KHDRBS1: variants seen among roughly 807,000 people sequenced by gnomAD.
KHDRBS1 encodes KH domain-containing, RNA-binding, signal transduction-associated protein 1.
KHDRBS1 carries 7 observed loss-of-function variants against 48.4 expected under a neutral mutation model. That is an observed-to-expected ratio of 0.14 (90% CI 0.08 to 0.27). KHDRBS1 has a LOEUF of 0.27. Ranked by LOEUF, KHDRBS1 falls within the 10% of genes least tolerant of loss-of-function variation. KHDRBS1 has a pLI of 1.00. For missense variants in KHDRBS1, 458 were observed against 601.2 expected, an observed-to-expected ratio of 0.76 and a Z score of 2.49; for synonymous variants, 241 against 235.8, an observed-to-expected ratio of 1.02 and a Z score of -0.20.
chr1:32,014,483 G>A, intron 1 of KHDRBS1, 106 bp downstream of exon 1: 1 of 1,150,710 alleles, frequency 8.7e-7, no homozygotes, highest in Admixed American at 4.0e-5. Context: ...GAGGCAGTCG[G>A]GAGTTCCGGT....
In KHDRBS1 at chr1:32,037,051, T is replaced by C; in HGVS notation, c.905+8T>C. The C allele has an allele frequency of 6.2e-7, 1 of 1,612,490 alleles. No homozygotes were observed. Among genetic ancestry groups the C allele is most frequent in the Non-Finnish European group, 8.5e-7 (1 of 1,179,338 alleles). On this transcript the variant is annotated splice_region_variant and intron_variant, in intron 5 of 8. Transcript: ENST00000327300. ...TCCACCACCTGTTCCCAGGTAAAAA[T>C]AATGGAGACACCCAGAAATAGGATG...
In KHDRBS1 at chr1:32,013,969, C is replaced by A. The variant is rs768370132; in HGVS notation, c.-27C>A. 3 of 1,449,868 alleles carry A rather than the reference C, an allele frequency of 2.1e-6. No individual in the cohort carries two copies. The highest frequency in any genetic ancestry group is 5.7e-5 in the East Asian group (2 of 34,912). The allele number at this position is 1,449,868 out of a possible 1,614,324, so 89.8% of individuals were successfully genotyped here. On this transcript the variant is annotated 5_prime_UTR_variant, in exon 1 of 9. Transcript: ENST00000327300. ...CTCCGTCGCTGCCGCGTCGCTTTCT[C>A]GCTCCTTGGATCGCACATCCTCCCA...
intron 4 of KHDRBS1, among the ~76,000 whole-genome samples, chr1:32,034,312 C>T (rs1259282471): frequency 6.6e-6 from 1 of 152,186 alleles, no homozygotes; most frequent in African/African-American, 2.4e-5. Context: ...CCTGTAATCC[C>T]AGCAATTTGG....
chr1:32,017,478 C>T (rs1279974895), intron 1 of KHDRBS1, among the ~76,000 whole-genome samples: 2 of 150,916 alleles, frequency 1.3e-5, no homozygotes, highest in African/African-American at 4.9e-5. Context: ...AATGTGTCTG[C>T]AGACATAAGG....
intron 4 of KHDRBS1, among the ~76,000 whole-genome samples, chr1:32,035,620 G>A (rs192474120): frequency 3.3e-5 from 5 of 152,154 alleles, no homozygotes; most frequent in African/African-American, 4.8e-5. Context: ...TCACAGTGCC[G>A]TAGGAAGAGC....
intron 3 of KHDRBS1, 21 bp downstream of exon 3, chr1:32,031,661 C>G (rs1639082073): frequency 6.7e-7 from 1 of 1,481,730 alleles, no homozygotes; most frequent in Non-Finnish European, 9.3e-7. Context: ...ATTAGTGAGG[C>G]AAGAGGACAT....
intron 4 of KHDRBS1, among the ~76,000 whole-genome samples, chr1:32,033,584 G>A (rs1639121092): frequency 6.6e-6 from 1 of 152,038 alleles, no homozygotes; most frequent in Non-Finnish European, 1.5e-5. Context: ...CAGTATCTCG[G>A]GTCCACAGTG....
intron 3 of KHDRBS1, 75 bp downstream of exon 3, chr1:32,031,715 T>G: frequency 2.2e-6 from 2 of 903,720 alleles, no homozygotes; most frequent in Non-Finnish European, 3.4e-6. Flanking sequence ...GGATGTCTTA[T>G]AGAGGCGGCA....
chr1:32,035,092 G>A (rs1639150477), intron 4 of KHDRBS1, among the ~76,000 whole-genome samples: 1 of 151,988 alleles, frequency 6.6e-6, no homozygotes, highest in Admixed American at 6.6e-5. Context: ...TTTTTGGGGT[G>A]TTCTATTGAT....
rs1030753350 is a variant in KHDRBS1 at position 32,018,116 on chromosome 1, T to C, written c.382+3739T>C. The stretch of plus-strand genomic sequence containing the variant: ...ATTTACAGTATTCTCTAGAAATACA[T>C]TAAGACCTTCCCAGTTCATTCTACA... On this transcript the variant is annotated intron_variant, in intron 1 of 8. Coordinates refer to ENST00000327300, the MANE Select transcript of KHDRBS1 (RefSeq NM_006559.3). Among the ~76,000 whole-genome samples the C allele has an allele frequency of 2.0e-5, 3 of 152,288 alleles. No individual in the cohort carries two copies. In the East Asian group the frequency reaches 5.8e-4, roughly 29 times the overall value.
chr1:32,025,559 C>G (rs896926248), intron 1 of KHDRBS1, among the ~76,000 whole-genome samples: 1 of 150,994 alleles, frequency 6.6e-6, no homozygotes, highest in Non-Finnish European at 1.5e-5. Flanking sequence ...CCTCAGCCTC[C>G]CAAAGTGCTG....
intron 4 of KHDRBS1, among the ~76,000 whole-genome samples, chr1:32,036,619 AACTAC>A: frequency 6.6e-6 from 1 of 152,308 alleles, no homozygotes; most frequent in Admixed American, 6.5e-5. Context: ...CCAGGCTCTG[AACTAC>A]AAGTTGTTCA....
In KHDRBS1 at chr1:32,042,615, A is replaced by G. The variant is rs1488964188; in HGVS notation, c.1323A>G (p.Gly441=). ...GAGCATACAGAGAGCACCCATATGG[A>G]CGTTATTAAAAACAAACATGAGGGG... ...VKGAYREHPY[G]RY Residue 441 remains glycine (G), a synonymous_variant, in exon 9 of 9, where the codon GGA becomes GGG. Transcript: ENST00000327300. The G allele has an allele frequency of 6.2e-7, 1 of 1,602,576 alleles. No individual in the cohort carries two copies. Among genetic ancestry groups the G allele is most frequent in the Non-Finnish European group, 8.5e-7 (1 of 1,169,732 alleles).
chr1:32,052,403 T>C (rs1405898346), intron 10 of KHDRBS1: 1 of 135,582 alleles, frequency 7.4e-6, no homozygotes, highest in Admixed American at 7.2e-5. Context: ...TAGTGGTTTC[T>C]TTTTTTTTTT....
Position 32,039,580 on chromosome 1 carries a change from C to CT in KHDRBS1, c.1234+10dup, listed in dbSNP as rs1363178076. The stretch of plus-strand genomic sequence containing the variant: ...GATTCTTATGAAGCTTATGGTATGT[C>CT]TTTATCTCTGTGGTGGGGCAGAATG... On this transcript the variant is annotated splice_region_variant and intron_variant, in intron 8 of 8. Coordinates refer to ENST00000327300, the MANE Select transcript of KHDRBS1 (RefSeq NM_006559.3). The CT allele has an allele frequency of 7.1e-7, 1 of 1,414,704 alleles. No homozygotes were observed. The highest frequency in any genetic ancestry group is 1.4e-5 in the African/African-American group (1 of 70,898). 87.6% of individuals were successfully genotyped at this position (1,414,704 alleles called of 1,614,324 possible).
chr1:32,053,657 C>CCA (rs1639448388), intron 10 of KHDRBS1, among the ~76,000 whole-genome samples: 1 of 152,138 alleles, frequency 6.6e-6, no homozygotes, highest in Non-Finnish European at 1.5e-5. Context: ...CAGGTATGAG[C>CCA]CACCATACCC....
rs749438000 is a variant in KHDRBS1 at position 32,031,506 on chromosome 1, T to C, written c.508-18T>C. On this transcript the variant is annotated intron_variant, in intron 2 of 8. Transcript: ENST00000327300. ...ATATAGTAGCATGTATATTTAGAAATCCTCTATTTTCTGTCAGTTCAATTT... is the reference window on the plus strand; with the variant it reads ...ATATAGTAGCATGTATATTTAGAAACCCTCTATTTTCTGTCAGTTCAATTT... 1 of 1,440,536 alleles carries C rather than the reference T, an allele frequency of 6.9e-7. No homozygotes were observed. Among genetic ancestry groups the C allele is most frequent in the African/African-American group, 1.4e-5 (1 of 69,908 alleles). The allele number at this position is 1,440,536 out of a possible 1,614,324, so 89.2% of individuals were successfully genotyped here.
At chr1:32,030,269 G>A in intron 1 of KHDRBS1, 29 bp from the exon 2 acceptor site, 1 of 1,590,004 alleles carries the variant, frequency 6.3e-7, no homozygotes, top group Non-Finnish European at 8.6e-7. Flanking sequence ...TATTTACCAG[G>A]GCAAAAATAA....
At chr1:32,045,082 C>T (rs1423203902), downstream of KHDRBS1, among the ~76,000 whole-genome samples, 1 of 152,176 alleles carries the variant, frequency 6.6e-6, no homozygotes, top group East Asian at 1.9e-4. Context: ...TGTAAAATTT[C>T]AATGACTGTA....
Sources: allele counts gnomAD v4.1 joint callset (sites outside exome capture counted in the v4.1 genomes callset), GRCh38; gene constraint gnomAD v4.1.1; transcripts MANE v1.5; gene names NCBI Gene and HGNC (gene_info 2026-07-23, HGNC 2026-07-21).